NR2F6: variants seen among roughly 807,000 people sequenced by gnomAD.
NR2F6 encodes ERBA-related gene-2.
Under a neutral mutation model 26.5 loss-of-function variants are expected in NR2F6, and 16 were observed. The ratio of observed to expected loss-of-function variants is 0.60; its 90% CI spans 0.41 to 0.92. The LOEUF is 0.92. NR2F6 is among the 40% of genes least tolerant of loss of function. The pLI is 0.00. For synonymous variants in NR2F6, 325 were observed against 305.0 expected (o/e 1.07, Z -0.68); for missense variants, 536 against 631.7 (o/e 0.85, Z 1.62).
chr19:17,244,833 G>A (rs1290419138), intron 1 of NR2F6, 110 bp downstream of exon 1: 1 of 1,332,302 alleles, frequency 7.5e-7, no homozygotes, highest in Non-Finnish European at 1.0e-6. Flanking sequence ...AGAGGGGGCA[G>A]TGGAGGCCCA....
At chr19:17,244,910 T>G (rs549448663) in intron 1 of NR2F6, 33 bp downstream of exon 1, 2 of 1,549,458 alleles carry the variant, frequency 1.3e-6, no homozygotes, top group Admixed American at 2.0e-5. Flanking sequence ...CGGGGCGGGG[T>G]GCACGGCGGC....
At chr19:17,236,793 G>A (rs1358813436) in intron 2 of NR2F6, among the ~76,000 whole-genome samples, 4 of 131,702 alleles carry the variant, frequency 3.0e-5, no homozygotes, top group Non-Finnish European at 6.2e-5. Flanking sequence ...AGTAAGGAGG[G>A]GTCCCAGGGG....
chr19:17,244,760 G>A (rs931001945), intron 1 of NR2F6, among the ~76,000 whole-genome samples, 183 bp downstream of exon 1: 5 of 152,230 alleles, frequency 3.3e-5, no homozygotes, highest in African/African-American at 4.8e-5. Flanking sequence ...CAACGATGTA[G>A]CGCCGACTGT....
In NR2F6 at chr19:17,236,010, C is replaced by G. The variant is rs1321535980; in HGVS notation, c.429G>C (p.Ser143=). 10 of 1,412,896 alleles carry G rather than the reference C, an allele frequency of 7.1e-6. No individual in the cohort carries two copies. Among genetic ancestry groups the G allele is most frequent in the Non-Finnish European group, 8.3e-6 (9 of 1,089,616 alleles). The allele number at this position is 1,412,896 out of a possible 1,614,324, so 87.5% of individuals were successfully genotyped here. ...HSLPGAVAAS[S]GSPPGSALAA... is the part of the protein sequence containing the mutation. ...CCAGCGCCGAGCCCGGGGGGCTGCC[C>G]GAGGAGGCGGCCACGGCACCAGGCA... Residue 143 remains serine (S), a synonymous_variant, in exon 3 of 4, where the codon TCG becomes TCC. Transcript: ENST00000291442.
Position 17,243,533 on chromosome 19 carries a change from G to C in NR2F6, c.278+1410C>G, listed in dbSNP as rs1380342613. Among the ~76,000 whole-genome samples, 6 of 151,636 alleles carry C rather than the reference G, an allele frequency of 4.0e-5. No individual in the cohort carries two copies. In the East Asian group the frequency reaches 7.8e-4, roughly 20 times the overall value. On this transcript the variant is annotated intron_variant, in intron 1 of 3. Transcript: ENST00000291442. The stretch of plus-strand genomic sequence containing the variant: ...CTCCTGGGACCCCAAAACTGCCTGA[G>C]CCCCCCTCCCTTACCCTCCCTAAAG...
chr19:17,232,505 C>T lies in NR2F6; in HGVS notation c.1062G>A (p.Leu354=), dbSNP rs762881219. The T allele has an allele frequency of 1.2e-6, 2 of 1,611,524 alleles. No individual in the cohort carries two copies. The highest frequency in any genetic ancestry group is 2.7e-5 in the African/African-American group (2 of 74,906). Reference sequence around the variant, plus strand: ...CCGCGCGCAGGGCGGGGAGCCGCAGCAGCAGGCGCCCGAAGCGCTGGGGCT... The same window carrying T: ...CCGCGCGCAGGGCGGGGAGCCGCAGTAGCAGGCGCCCGAAGCGCTGGGGCT... ...PSQPQRFGRL[L]LRLPALRAVP... Residue 354 remains leucine, a synonymous_variant, in exon 4 of 4, where the codon CTG becomes CTA. Coordinates refer to ENST00000291442, the MANE Select transcript of NR2F6 (RefSeq NM_005234.4).
At chr19:17,244,294 T>C (rs915793235) in intron 1 of NR2F6, 3 of 152,454 alleles carry the variant, frequency 2.0e-5, no homozygotes, top group Admixed American at 2.0e-4. Flanking sequence ...CAGTGGCGAT[T>C]TCCGGTGACC....
chr19:17,232,629 A>AG lies in NR2F6; in HGVS notation c.941-4dup. 1 of 1,527,084 alleles carries AG rather than the reference A, an allele frequency of 6.5e-7. No homozygotes were observed. The allele number at this position is 1,527,084 out of a possible 1,614,324, so 94.6% of individuals were successfully genotyped here. ...CGGGTCTGAGAGGCCACAGGCGTCTAGGGGGACAAAGGCAAGTCAGACAGG... is the reference window on the plus strand; with the variant it reads ...CGGGTCTGAGAGGCCACAGGCGTCTAGGGGGGACAAAGGCAAGTCAGACAGG... On this transcript the variant is annotated splice_polypyrimidine_tract_variant and splice_region_variant and intron_variant, in intron 3 of 3. Transcript: ENST00000291442.
In NR2F6 at chr19:17,235,292, G is replaced by C. The variant is rs2073429609; in HGVS notation, c.940+207C>G. On this transcript the variant is annotated intron_variant, in intron 3 of 3. Transcript: ENST00000291442. This position sits in a 1 kb window ranked among gnomAD's most constrained non-coding sequence, Gnocchi z 5.0. ...GTTCAGAGTTCTCCGAGAGTCCTGG[G>C]ATCACGGAGTGGGGGTGTCACAGTG... is the stretch of plus-strand genomic sequence containing the variant. 6.6e-6 allele frequency among the ~76,000 whole-genome samples: 1 copy of C among 152,216 alleles called. No individual in the cohort carries two copies. The highest frequency in any genetic ancestry group is 2.4e-5 in the African/African-American group (1 of 41,472).
At chr19:17,242,566 C>G (rs189113720) in intron 1 of NR2F6, among the ~76,000 whole-genome samples, 17 of 152,330 alleles carry the variant, frequency 1.1e-4, no homozygotes, top group Non-Finnish European at 1.3e-4. Context: ...CCGTACCCCC[C>G]CTCCACCACT....
At chr19:17,238,809 TG>T (rs2073453203) in intron 2 of NR2F6, among the ~76,000 whole-genome samples, 1 of 152,206 alleles carries the variant, frequency 6.6e-6, no homozygotes, top group Admixed American at 6.5e-5. Flanking sequence ...GGCTCATTCC[TG>T]TAATCCCAGT....
chr19:17,237,435 T>C (rs966638231), intron 2 of NR2F6, among the ~76,000 whole-genome samples: 1 of 151,264 alleles, frequency 6.6e-6, no homozygotes. Flanking sequence ...CTTTTTGAGA[T>C]AGAGTTCTGC....
At chr19:17,244,828 G>A (rs1041218869) in intron 1 of NR2F6, 115 bp downstream of exon 1, 9 of 1,247,072 alleles carry the variant, frequency 7.2e-6, no homozygotes, top group East Asian at 2.9e-5. Context: ...ATCTCAGAGG[G>A]GGCAGTGGAG....
rs1393597103 is a variant in NR2F6, at chr19:17,235,145, T to A, written c.940+354A>T. Among the ~76,000 whole-genome samples, 1 of 152,196 alleles carries A rather than the reference T, an allele frequency of 6.6e-6. No individual in the cohort carries two copies. The highest frequency in any genetic ancestry group is 1.5e-5 in the Non-Finnish European group (1 of 68,032). On this transcript the variant is annotated intron_variant, in intron 3 of 3. Transcript: ENST00000291442. The surrounding 1 kb of genome is among the most constrained non-coding windows in gnomAD (Gnocchi z 5.0). ...CGTCCCCCCAACCTTGTGCTATCAGTGCTCACTAAGCCTGAAGAGCCCTTT... is the reference window on the plus strand; with the variant it reads ...CGTCCCCCCAACCTTGTGCTATCAGAGCTCACTAAGCCTGAAGAGCCCTTT...
chr19:17,239,547 C>T (rs970424154), intron 2 of NR2F6, among the ~76,000 whole-genome samples: 11 of 150,110 alleles, frequency 7.3e-5, no homozygotes, highest in Admixed American at 2.7e-4. Context: ...CCAGCTACTC[C>T]GGAGGCTGAG....
rs1270695434 is a variant in NR2F6 at position 17,235,533 on chromosome 19, A to G, written c.906T>C (p.Tyr302=). ...LGRLQVDSAE[Y]GCLKAIALFT... ...AGAGCGCGATGGCCTTGAGGCAGCCATACTCGGCCGAGTCGACCTGCAGGC... is the reference window on the plus strand; with the variant it reads ...AGAGCGCGATGGCCTTGAGGCAGCCGTACTCGGCCGAGTCGACCTGCAGGC... The change falls in exon 3 of 4, where the codon TAT becomes TAC. Residue 302 remains tyrosine (Y), a synonymous_variant. Transcript: ENST00000291442. The surrounding 1 kb of genome is among the most constrained non-coding windows in gnomAD (Gnocchi z 5.0). 1.2e-5 allele frequency: 19 copies of G among 1,595,664 alleles called. No homozygotes were observed. Among genetic ancestry groups the G allele is most frequent in the Non-Finnish European group, 1.6e-5 (19 of 1,176,970 alleles).
In NR2F6 at chr19:17,240,679, C is replaced by T; in HGVS notation, c.365G>A (p.Arg122Lys). ...RLKKCFRVGM[R>K]KEAVQRGRIP... The stretch of plus-strand genomic sequence containing the variant: ...CCCCAGCACGTACTCACCCTCCTTC[C>T]TCATGCCCACCCGGAAGCACTTCTT... The change falls in exon 2 of 4, where the codon AGG (arginine) becomes AAG (lysine). Residue 122 changes from arginine to lysine, a missense_variant. Transcript: ENST00000291442. 1.2e-6 allele frequency: 2 copies of T among 1,614,224 alleles called. No homozygotes were observed. Among genetic ancestry groups the T allele is most frequent in the Non-Finnish European group, 1.7e-6 (2 of 1,180,038 alleles).
intron 2 of NR2F6, among the ~76,000 whole-genome samples, chr19:17,237,505 G>C (rs1445596344): frequency 6.6e-6 from 1 of 152,008 alleles, no homozygotes; most frequent in Non-Finnish European, 1.5e-5. Context: ...TCCGACTCCG[G>C]GGTTCGAGTG....
At chr19:17,242,475 G>A (rs1438516023) in intron 1 of NR2F6, among the ~76,000 whole-genome samples, 1 of 152,152 alleles carries the variant, frequency 6.6e-6, no homozygotes, top group African/African-American at 2.4e-5. Context: ...GGGTCAGAGG[G>A]GTTCACGGGG....
Sources: gnomAD v4.1 joint callset for allele counts (sites outside exome capture counted in the v4.1 genomes callset) on GRCh38, gnomAD v4.1.1 for gene constraint, Gnocchi (gnomAD v3.1) non-coding constraint, MANE v1.5 for transcripts, NCBI Gene and HGNC (gene_info 2026-07-23, HGNC 2026-07-21) for gene names.